Variants in CHST3 observed in about 807,000 individuals in gnomAD.
The protein encoded by CHST3 is C6ST-1.
CHST3 carries 20 observed loss-of-function variants against 35.4 expected under a neutral mutation model. That is an observed-to-expected ratio of 0.57 (90% CI 0.40 to 0.82). The LOEUF (loss-of-function observed/expected upper bound fraction) is 0.82, where lower values mean the gene tolerates loss of function less well. Ranked by LOEUF, CHST3 falls within the 40% of genes least tolerant of loss-of-function variation. CHST3 has a pLI of 0.00. For missense variants in CHST3, 693 were observed against 670.1 expected, an observed-to-expected ratio of 1.03 and a Z score of -0.38; for synonymous variants, 334 against 295.9, an observed-to-expected ratio of 1.13 and a Z score of -1.32.
intron 1 of CHST3, among the ~76,000 whole-genome samples, chr10:71,976,380 C>A (rs1228080646): frequency 6.6e-6 from 1 of 152,158 alleles, no homozygotes; most frequent in Non-Finnish European, 1.5e-5. Flanking sequence ...CTTCAGGGGT[C>A]CCCCATGCCT....
At chr10:71,977,439 C>T (rs1839756873) in intron 1 of CHST3, among the ~76,000 whole-genome samples, 1 of 146,424 alleles carries the variant, frequency 6.8e-6, no homozygotes, top group South Asian at 2.1e-4. Flanking sequence ...TCGGAGTCCC[C>T]TAAGCTCGAT....
At chr10:71,971,873 C>A (rs2131738253) in intron 1 of CHST3, among the ~76,000 whole-genome samples, 1 of 152,282 alleles carries the variant, frequency 6.6e-6, no homozygotes, top group Non-Finnish European at 1.5e-5. Context: ...TAGAACCTGC[C>A]AGTCACGAAG....
At chr10:72,006,756 C>G (rs117347838) in intron 2 of CHST3, among the ~76,000 whole-genome samples, 1,612 of 152,336 alleles carry the variant, frequency 0.011, 10 homozygotes, top group Middle Eastern at 0.024. Context: ...CAATCCCCCC[C>G]CTTGGGTCAC....
intron 1 of CHST3, among the ~76,000 whole-genome samples, chr10:71,997,707 G>A (rs1483901020): frequency 1.4e-5 from 2 of 139,642 alleles, no homozygotes; most frequent in African/African-American, 2.6e-5. Flanking sequence ...TTTTTGAGAC[G>A]GAGTCTTGCA....
At chr10:72,006,754 C>A (rs1202957484) in intron 2 of CHST3, among the ~76,000 whole-genome samples, 1 of 152,188 alleles carries the variant, frequency 6.6e-6, no homozygotes, top group Non-Finnish European at 1.5e-5. Context: ...GTCAATCCCC[C>A]CCCTTGGGTC....
intron 2 of CHST3, 151 bp downstream of exon 2, chr10:72,006,133 G>A (rs966787052): frequency 2.0e-6 from 2 of 999,014 alleles, no homozygotes; most frequent in Non-Finnish European, 3.1e-6. Context: ...AGTGGCTCCT[G>A]CACACGTCCT....
intron 1 of CHST3, among the ~76,000 whole-genome samples, chr10:71,966,135 A>G (rs1420239434): frequency 6.6e-6 from 1 of 152,076 alleles, no homozygotes; most frequent in East Asian, 1.9e-4. Context: ...AAGTGGAGAA[A>G]GAGATGGGCC....
At chr10:71,978,365 TAA>T (rs59485657) in intron 1 of CHST3, among the ~76,000 whole-genome samples, 2 of 133,240 alleles carry the variant, frequency 1.5e-5, no homozygotes, top group Non-Finnish European at 3.3e-5. Context: ...GCCTCCGTCT[TAA>T]AAAAAAAAAA....
intron 1 of CHST3, among the ~76,000 whole-genome samples, chr10:71,978,452 C>T (rs1054752264): frequency 6.6e-5 from 10 of 152,088 alleles, no homozygotes; most frequent in African/African-American, 2.4e-4. Flanking sequence ...CCCCGTGCTG[C>T]CAGGCTTCCC....
rs559985603 is a variant in CHST3, at chr10:71,982,938, CCTT to C, written c.-108+18249_-108+18251del. On this transcript the variant is annotated intron_variant, in intron 1 of 2. Coordinates refer to ENST00000373115, the MANE Select transcript of CHST3 (RefSeq NM_004273.5). ...GCTGGAAGAACCAGGTTGTCCGACCCCTTCTTCACTGCCCACCACACCTCACCA... is the reference window on the plus strand; with the variant it reads ...GCTGGAAGAACCAGGTTGTCCGACCCCTTCACTGCCCACCACACCTCACCA... Among the ~76,000 whole-genome samples the C allele has an allele frequency of 2.6e-5, 4 of 152,340 alleles. No homozygotes were observed. The South Asian group carries it at 6.2e-4, about 24-fold the overall frequency.
chr10:71,995,042 C>T (rs948152162), intron 1 of CHST3, among the ~76,000 whole-genome samples: 1 of 152,292 alleles, frequency 6.6e-6, no homozygotes, highest in African/African-American at 2.4e-5. Flanking sequence ...TCTATCCAGA[C>T]CACTCAAACT....
In CHST3 at chr10:72,008,619, G is replaced by A. The variant is rs1481357410; in HGVS notation, c.*148G>A. The A allele has an allele frequency of 1.4e-6, 2 of 1,415,712 alleles. No homozygotes were observed. Among genetic ancestry groups the A allele is most frequent in the Non-Finnish European group, 1.8e-6 (2 of 1,083,652 alleles). The allele number at this position is 1,415,712 out of a possible 1,614,324, so 87.7% of individuals were successfully genotyped here. On this transcript the variant is annotated 3_prime_UTR_variant, in exon 3 of 3. Coordinates refer to ENST00000373115, the MANE Select transcript of CHST3 (RefSeq NM_004273.5). Reference sequence around the variant, plus strand: ...CCCAGCCAGCGCTCCAGCCAAAGCGGCGGCCCCAGGGTTAATTGCGGAGAA... The same window carrying A: ...CCCAGCCAGCGCTCCAGCCAAAGCGACGGCCCCAGGGTTAATTGCGGAGAA...
At position 72,007,567 on chromosome 10, in the gene CHST3, C is replaced by A; in HGVS notation, c.536C>A (p.Ala179Asp). ...ERTVSFEPGG[A>D]NAAGSALVYR... ...ACAGTGTCCTTCGAGCCGGGGGGCGCCAACGCCGCGGGCTCGGCCCTGGTG... is the reference window on the plus strand; with the variant it reads ...ACAGTGTCCTTCGAGCCGGGGGGCGACAACGCCGCGGGCTCGGCCCTGGTG... The change falls in exon 3 of 3, where the codon GCC becomes GAC. Residue 179 changes from alanine to aspartate, a missense_variant. Transcript: ENST00000373115. 3 of 1,607,726 alleles carry A rather than the reference C, an allele frequency of 1.9e-6. No homozygotes were observed. The highest frequency in any genetic ancestry group is 2.5e-6 in the Non-Finnish European group (3 of 1,179,782).
At chr10:71,986,514 C>T (rs1056558519) in intron 1 of CHST3, among the ~76,000 whole-genome samples, 1 of 152,230 alleles carries the variant, frequency 6.6e-6, no homozygotes, top group Non-Finnish European at 1.5e-5. Context: ...ATACGGCGCT[C>T]CAGGCAGCCC....
At chr10:71,994,600 G>A (rs914804785) in intron 1 of CHST3, among the ~76,000 whole-genome samples, 6 of 152,170 alleles carry the variant, frequency 3.9e-5, no homozygotes, top group African/African-American at 1.4e-4. Flanking sequence ...AACGAGCATT[G>A]GCTTCAGCTT....
intron 1 of CHST3, among the ~76,000 whole-genome samples, chr10:72,000,761 G>C (rs958137899): frequency 6.6e-6 from 1 of 152,076 alleles, no homozygotes; most frequent in East Asian, 1.9e-4. Context: ...GAGAAGCTGG[G>C]TGGCAGCACA....
At position 71,970,701 on chromosome 10, in the gene CHST3, G is replaced by A. The variant is rs118037681; in HGVS notation, c.-108+6007G>A. On this transcript the variant is annotated intron_variant, in intron 1 of 2. Transcript: ENST00000373115. ...CCCTCCCCAGCAGGCAGACGGTGAC[G>A]TCTTGGTTGGTTGGTGAGTTTAACT... Among the ~76,000 whole-genome samples the A allele has an allele frequency of 5.1e-4, 78 of 152,344 alleles. No individual in the cohort carries two copies. The East Asian group carries it at 0.011, about 22-fold the overall frequency.
chr10:71,996,505 T>C (rs1218943190), intron 1 of CHST3, among the ~76,000 whole-genome samples: 1 of 152,034 alleles, frequency 6.6e-6, no homozygotes, highest in Non-Finnish European at 1.5e-5. Context: ...CTTTTTTTTT[T>C]ATAAAATAGA....
intron 1 of CHST3, among the ~76,000 whole-genome samples, chr10:71,971,694 T>C (rs1267277240): frequency 6.6e-6 from 1 of 152,222 alleles, no homozygotes; most frequent in Non-Finnish European, 1.5e-5. Context: ...GTCCCCGCAC[T>C]GTGACTACAC....
Sources: gnomAD v4.1 joint callset for allele counts (sites outside exome capture counted in the v4.1 genomes callset) on GRCh38, gnomAD v4.1.1 for gene constraint, MANE v1.5 for transcripts, NCBI Gene and HGNC (gene_info 2026-07-23, HGNC 2026-07-21) for gene names.